Variants in KCNN2 observed in about 807,000 individuals in gnomAD.
KCNN2 encodes potassium calcium-activated channel subfamily N member 2.
Under a neutral mutation model 55.5 loss-of-function variants are expected in KCNN2, and 24 were observed. That is an observed-to-expected ratio of 0.43 (90% CI 0.31 to 0.61). The LOEUF (loss-of-function observed/expected upper bound fraction) is 0.61. KCNN2 is among the 20% of genes least tolerant of loss of function. KCNN2 has a pLI of 0.08. For missense variants in KCNN2, 754 were observed against 853.6 expected, an observed-to-expected ratio of 0.88 and a Z score of 1.45; for synonymous variants, 431 against 336.1, an observed-to-expected ratio of 1.28 and a Z score of -3.09.
chr5:114,163,440 T>C (rs1580577297), intron 1 of KCNN2, among the ~76,000 whole-genome samples: 1 of 152,204 alleles, frequency 6.6e-6, no homozygotes, highest in Admixed American at 6.5e-5. Context: ...TATATGGCTG[T>C]TATTAATTTG....
chr5:114,277,828 G>T (rs1204139980), intron 2 of KCNN2, among the ~76,000 whole-genome samples: 2 of 152,166 alleles, frequency 1.3e-5, no homozygotes, highest in Non-Finnish European at 2.9e-5. Flanking sequence ...ACCTTCTGAA[G>T]TCCAATTCTG....
intron 1 of KCNN2, among the ~76,000 whole-genome samples, chr5:114,074,293 C>CATGTGTGT (rs1371308634): frequency 1.6e-4 from 23 of 144,590 alleles, no homozygotes; most frequent in African/African-American, 5.7e-4. Context: ...GCCATGTTTG[C>CATGTGTGT]GTGTGTGTGT....
chr5:114,347,138 G>A (rs1757121884), intron 2 of KCNN2, among the ~76,000 whole-genome samples: 1 of 152,130 alleles, frequency 6.6e-6, no homozygotes, highest in African/African-American at 2.4e-5. Context: ...TATTAAAGGA[G>A]GATATCACCA....
chr5:114,159,304 T>C (rs1306669551), intron 1 of KCNN2, among the ~76,000 whole-genome samples: 1 of 152,212 alleles, frequency 6.6e-6, no homozygotes, highest in Non-Finnish European at 1.5e-5. Context: ...CTGGATTACA[T>C]TTATTGATTT....
At chr5:114,438,285 C>T (rs904624898) in intron 3 of KCNN2, among the ~76,000 whole-genome samples, 2 of 152,120 alleles carry the variant, frequency 1.3e-5, no homozygotes, top group Admixed American at 6.6e-5. Context: ...TGCTTAGCAT[C>T]AGCTCGGTTT....
chr5:114,307,490 T>G (rs1288120614), intron 2 of KCNN2, among the ~76,000 whole-genome samples: 1 of 152,176 alleles, frequency 6.6e-6, no homozygotes, highest in African/African-American at 2.4e-5. Context: ...CCACCCACCT[T>G]ACTTTTGCCA....
At chr5:114,140,392 GTC>G (rs1165387865) in intron 1 of KCNN2, among the ~76,000 whole-genome samples, 3 of 152,124 alleles carry the variant, frequency 2.0e-5, no homozygotes, top group Non-Finnish European at 4.4e-5. Flanking sequence ...CCCACCTGCT[GTC>G]TCTGATCTGT....
chr5:114,298,754 A>C (rs948124042), intron 2 of KCNN2, among the ~76,000 whole-genome samples: 2 of 152,292 alleles, frequency 1.3e-5, no homozygotes, highest in Admixed American at 6.5e-5. Flanking sequence ...CTATAATTCA[A>C]ATTCACTATT....
chr5:114,417,097 C>G (rs1237133111), intron 3 of KCNN2, among the ~76,000 whole-genome samples: 1 of 152,204 alleles, frequency 6.6e-6, no homozygotes, highest in Admixed American at 6.5e-5. Context: ...CAGAGGGCAT[C>G]TTACGAAATG....
chr5:114,388,890 T>C (rs1758364832), intron 2 of KCNN2, among the ~76,000 whole-genome samples: 1 of 152,194 alleles, frequency 6.6e-6, no homozygotes, highest in Non-Finnish European at 1.5e-5. Flanking sequence ...ACAGCCCTTC[T>C]GCATTTGAAA....
intron 1 of KCNN2, among the ~76,000 whole-genome samples, chr5:114,161,340 C>T (rs6863502): frequency 0.76 from 100,856 of 133,506 alleles, 38,497 homozygotes; most frequent in East Asian, 0.91. Context: ...CCCACTCTCT[C>T]CTGGCTTGTA....
At position 114,363,028 on chromosome 5, in the gene KCNN2, G is replaced by C; in HGVS notation, c.889G>C (p.Gly297Arg). The stretch of plus-strand genomic sequence containing the variant: ...CAACAACCTGGCGCTCTATGGAACC[G>C]GCGGCGGAGGCAGCACTGGAGGAGG... Reference protein sequence around the residue: ...NSNNLALYGTGGGGSTGGGGG... With the variant: ...NSNNLALYGTRGGGSTGGGGG... The change falls in exon 1 of 8, where the codon GGC becomes CGC. Residue 297 changes from glycine (G) to arginine (R), a missense_variant. This residue lies in a region of KCNN2 where 381 missense variants were observed against 259.1 expected (regional missense o/e 1.47). Transcript: ENST00000673685. The C allele has an allele frequency of 6.2e-7, 1 of 1,602,992 alleles. No individual in the cohort carries two copies. Among genetic ancestry groups the C allele is most frequent in the Non-Finnish European group, 8.5e-7 (1 of 1,176,928 alleles).
At chr5:114,403,302 A>G (rs552232305) in intron 2 of KCNN2, among the ~76,000 whole-genome samples, 1 of 152,322 alleles carries the variant, frequency 6.6e-6, no homozygotes, top group African/African-American at 2.4e-5. Context: ...AATAAAGTAG[A>G]CAATCAAGCT....
At chr5:114,372,873 T>A (rs1305174265) in intron 2 of KCNN2, among the ~76,000 whole-genome samples, 2 of 152,130 alleles carry the variant, frequency 1.3e-5, no homozygotes, top group Non-Finnish European at 2.9e-5. Context: ...ATAATCAATT[T>A]TATTATTTTC....
intron 1 of KCNN2, among the ~76,000 whole-genome samples, chr5:114,188,698 A>G (rs1753387492): frequency 6.6e-6 from 1 of 150,534 alleles, no homozygotes; most frequent in Admixed American, 6.7e-5. Flanking sequence ...ATGGTAAGAT[A>G]AAATCTTTTT....
chr5:114,158,317 A>C (rs1752685653), intron 1 of KCNN2, among the ~76,000 whole-genome samples: 1 of 152,082 alleles, frequency 6.6e-6, no homozygotes, highest in Non-Finnish European at 1.5e-5. Context: ...AGTTGTAGTT[A>C]TGCGGCATTA....
chr5:114,393,740 C>T (rs1247326954), intron 2 of KCNN2, among the ~76,000 whole-genome samples: 1 of 151,622 alleles, frequency 6.6e-6, no homozygotes, highest in Non-Finnish European at 1.5e-5. Context: ...TACCATCTCC[C>T]CTTTAACAAA....
At chr5:114,149,317 G>C (rs1752467816) in intron 1 of KCNN2, among the ~76,000 whole-genome samples, 1 of 152,066 alleles carries the variant, frequency 6.6e-6, no homozygotes, top group Non-Finnish European at 1.5e-5. Context: ...AGAGTGCACT[G>C]AGCCGAGGAA....
intron 2 of KCNN2, among the ~76,000 whole-genome samples, chr5:114,255,388 C>G (rs2150001923): frequency 6.6e-6 from 1 of 152,220 alleles, no homozygotes; most frequent in South Asian, 2.1e-4. Context: ...GGATGAGGTG[C>G]TAAGGAGGGC....
Sources: gnomAD v4.1 joint callset for allele counts (sites outside exome capture counted in the v4.1 genomes callset) on GRCh38, gnomAD v4.1.1 for gene constraint, gnomAD v4.1.1 regional missense constraint, MANE v1.5 for transcripts, NCBI Gene and HGNC (gene_info 2026-07-23, HGNC 2026-07-21) for gene names.